Variants in PIP4K2A observed in about 807,000 individuals in gnomAD.
The protein encoded by PIP4K2A is phosphatidylinositol 5-phosphate 4-kinase type-2 alpha.
In PIP4K2A, 14 loss-of-function variants were observed where a neutral mutation model predicts 42.9. That is an observed-to-expected ratio of 0.33 (90% confidence interval 0.22 to 0.51). PIP4K2A has a LOEUF of 0.51. PIP4K2A is among the 20% of genes least tolerant of loss of function. The pLI is 0.97. For synonymous variants in PIP4K2A, 192 were observed against 192.2 expected, an observed-to-expected ratio of 1.00 and a Z score of 0.01; for missense variants, 434 against 519.8, an observed-to-expected ratio of 0.83 and a Z score of 1.61.
At chr10:22,700,941 C>T (rs563741488) in intron 1 of PIP4K2A, among the ~76,000 whole-genome samples, 33 of 152,152 alleles carry the variant, frequency 2.2e-4, no homozygotes, top group Non-Finnish European at 4.0e-4. Flanking sequence ...ACCATAAAAT[C>T]AGAAGGAGAG....
At chr10:22,639,054 T>A (rs1838724801) in intron 1 of PIP4K2A, among the ~76,000 whole-genome samples, 1 of 152,078 alleles carries the variant, frequency 6.6e-6, no homozygotes, top group Admixed American at 6.5e-5. Context: ...ATTAATTTGA[T>A]TACACTGATA....
At chr10:22,665,468 G>T (rs1197826392) in intron 1 of PIP4K2A, among the ~76,000 whole-genome samples, 2 of 151,974 alleles carry the variant, frequency 1.3e-5, no homozygotes, top group African/African-American at 2.4e-5. Context: ...TTGAGACAGG[G>T]TCTCACTCTG....
intron 1 of PIP4K2A, among the ~76,000 whole-genome samples, chr10:22,699,213 C>T (rs1486160297): frequency 6.6e-6 from 1 of 152,104 alleles, no homozygotes; most frequent in Admixed American, 6.6e-5. Context: ...TCTTCTGATG[C>T]CAAAGCATTT....
intron 1 of PIP4K2A, among the ~76,000 whole-genome samples, chr10:22,709,771 C>A (rs1478325188): frequency 6.6e-6 from 1 of 152,032 alleles, no homozygotes; most frequent in Non-Finnish European, 1.5e-5. Context: ...TGGTTATAAT[C>A]CCAAGTTTTA....
intron 1 of PIP4K2A, among the ~76,000 whole-genome samples, chr10:22,672,220 G>A (rs1271414443): frequency 6.6e-6 from 1 of 151,588 alleles, no homozygotes; most frequent in African/African-American, 2.4e-5. Flanking sequence ...TAATATATCA[G>A]CATCAGCATC....
At chr10:22,568,521 C>G (rs1055997717) in intron 5 of PIP4K2A, among the ~76,000 whole-genome samples, 8 of 152,168 alleles carry the variant, frequency 5.3e-5, no homozygotes, top group African/African-American at 1.9e-4. Context: ...TTATTTGTAC[C>G]TCTTTTGTGC....
chr10:22,668,095 G>A (rs1164409535), intron 1 of PIP4K2A, among the ~76,000 whole-genome samples: 4 of 152,064 alleles, frequency 2.6e-5, no homozygotes, highest in African/African-American at 9.7e-5. Context: ...GGGACTATAG[G>A]CGCGTGCTAC....
intron 4 of PIP4K2A, among the ~76,000 whole-genome samples, chr10:22,587,154 A>G (rs1837414743): frequency 6.6e-6 from 1 of 152,198 alleles, no homozygotes; most frequent in Non-Finnish European, 1.5e-5. Context: ...ACTTCTCCAG[A>G]GGCTGGCCTT....
chr10:22,697,065 C>A (rs1280140340), intron 1 of PIP4K2A, among the ~76,000 whole-genome samples: 1 of 151,520 alleles, frequency 6.6e-6, no homozygotes, highest in African/African-American at 2.4e-5. Flanking sequence ...CGTGACCTTT[C>A]CTTTCTTTCT....
intron 1 of PIP4K2A, among the ~76,000 whole-genome samples, chr10:22,610,193 G>C (rs1837997976): frequency 6.6e-6 from 1 of 152,220 alleles, no homozygotes; most frequent in Non-Finnish European, 1.5e-5. Flanking sequence ...CAGGAACTAA[G>C]TTTAAAAATA....
chr10:22,541,904 G>A lies in PIP4K2A; in HGVS notation c.936C>T (p.Thr312=), dbSNP rs780071460. The A allele has an allele frequency of 6.2e-7, 1 of 1,613,942 alleles. No homozygotes were observed. Among genetic ancestry groups the A allele is most frequent in the Admixed American group, 1.7e-5 (1 of 60,006 alleles). ...GESDGTHPVG[T]PPDSPGNTLN... is the part of the protein sequence containing the mutation. ...GTGTATTCCCGGGGCTATCTGGGGGGGTTCCCACCGGGTGGGTGCCATCGC... is the reference window on the plus strand; with the variant it reads ...GTGTATTCCCGGGGCTATCTGGGGGAGTTCCCACCGGGTGGGTGCCATCGC... Residue 312 remains threonine, a synonymous_variant, in exon 8 of 10, where the codon ACC becomes ACT. Transcript: ENST00000376573.
intron 4 of PIP4K2A, among the ~76,000 whole-genome samples, chr10:22,583,660 C>T (rs1192224227): frequency 1.3e-5 from 2 of 152,176 alleles, no homozygotes; most frequent in Non-Finnish European, 2.9e-5. Flanking sequence ...AAACAAAACT[C>T]TCAGAAAAAG....
chr10:22,668,788 G>T (rs1839396629), intron 1 of PIP4K2A, among the ~76,000 whole-genome samples: 1 of 152,062 alleles, frequency 6.6e-6, no homozygotes, highest in African/African-American at 2.4e-5. Context: ...AACACGAATG[G>T]GAATTTATAT....
intron 4 of PIP4K2A, among the ~76,000 whole-genome samples, chr10:22,580,221 T>C (rs1358430644): frequency 6.6e-6 from 1 of 151,980 alleles, no homozygotes; most frequent in Non-Finnish European, 1.5e-5. Flanking sequence ...GTGAGATTAG[T>C]GTAAACGTAA....
intron 1 of PIP4K2A, among the ~76,000 whole-genome samples, chr10:22,681,968 C>T (rs1161596498): frequency 6.6e-6 from 1 of 152,068 alleles, no homozygotes; most frequent in East Asian, 1.9e-4. Flanking sequence ...ATAGAATTTT[C>T]ACATTATGAA....
intron 4 of PIP4K2A, among the ~76,000 whole-genome samples, chr10:22,574,766 GT>G (rs1202230987): frequency 6.6e-6 from 1 of 152,118 alleles, no homozygotes; most frequent in African/African-American, 2.4e-5. Context: ...AATTAGATGA[GT>G]GAAACATTTT....
chr10:22,603,991 G>A (rs1419736441), intron 3 of PIP4K2A, among the ~76,000 whole-genome samples: 1 of 133,894 alleles, frequency 7.5e-6, no homozygotes, highest in Non-Finnish European at 1.5e-5. Flanking sequence ...ACACATGCGC[G>A]AGCACACACG....
intron 6 of PIP4K2A, among the ~76,000 whole-genome samples, chr10:22,553,471 T>C (rs1324405166): frequency 6.6e-6 from 1 of 152,220 alleles, no homozygotes; most frequent in Non-Finnish European, 1.5e-5. Flanking sequence ...CTTAGCACTT[T>C]GTGTGCGTCA....
At chr10:22,710,810 T>C (rs570348626) in intron 1 of PIP4K2A, among the ~76,000 whole-genome samples, 1 of 152,390 alleles carries the variant, frequency 6.6e-6, no homozygotes, top group East Asian at 1.9e-4. Context: ...ACAAGTTTTA[T>C]GTGCTTTAAG....
Sources: allele counts gnomAD v4.1 joint callset (sites outside exome capture counted in the v4.1 genomes callset), GRCh38; gene constraint gnomAD v4.1.1; transcripts MANE v1.5; gene names NCBI Gene and HGNC (gene_info 2026-07-23, HGNC 2026-07-21).